Variants in RORC observed in about 807,000 individuals in gnomAD.
The protein encoded by RORC is RAR related orphan receptor C.
RORC carries 13 observed loss-of-function variants against 64.5 expected under a neutral mutation model. The observed-to-expected ratio is 0.20, with a 90% CI of 0.13 to 0.32. The LOEUF is 0.32. Among genes scored for constraint, RORC ranks in the 10% least tolerant of loss-of-function variants. RORC has a pLI of 1.00. For synonymous variants in RORC, 277 were observed against 259.3 expected, an observed-to-expected ratio of 1.07 and a Z score of -0.65; for missense variants, 468 against 669.5, an observed-to-expected ratio of 0.70 and a Z score of 3.32.
At chr1:151,825,248 CACACACACACAT>C (rs1652144255) in intron 2 of RORC, among the ~76,000 whole-genome samples, 1 of 151,616 alleles carries the variant, frequency 6.6e-6, no homozygotes, top group Non-Finnish European at 1.5e-5. Flanking sequence ...CCTGGAGAAC[CACACACACACAT>C]ACACACACAC....
At chr1:151,829,962 C>T (rs1652340793) in intron 1 of RORC, among the ~76,000 whole-genome samples, 1 of 152,208 alleles carries the variant, frequency 6.6e-6, no homozygotes, top group South Asian at 2.1e-4. Flanking sequence ...AAGGCAGGGA[C>T]TGTGTTGGTC....
chr1:151,814,881 C>G lies in RORC; in HGVS notation c.811+32G>C, dbSNP rs201224107. On this transcript the variant is annotated intron_variant, in intron 5 of 10. Coordinates refer to ENST00000318247, the MANE Select transcript of RORC (RefSeq NM_005060.4). ...ACTGGTGGAAACCCCTCCCTCATCTCTACCACCCTCTCCACCTCCCCAGCT... is the reference window on the plus strand; with the variant it reads ...ACTGGTGGAAACCCCTCCCTCATCTGTACCACCCTCTCCACCTCCCCAGCT... The G allele has an allele frequency of 3.1e-3, 4,883 of 1,599,068 alleles. 8 individuals carry two copies. The highest frequency in any genetic ancestry group is 3.7e-3 in the Non-Finnish European group (4,375 of 1,171,330).
chr1:151,831,027 C>T (rs1175054960), intron 1 of RORC: 1 of 1,289,360 alleles, frequency 7.8e-7, no homozygotes, highest in East Asian at 5.5e-5. Context: ...AAGCCTGTGG[C>T]CCTGCGATCC....
chr1:151,828,362 C>T (rs529341439), intron 2 of RORC, among the ~76,000 whole-genome samples: 10 of 152,202 alleles, frequency 6.6e-5, no homozygotes, highest in Non-Finnish European at 1.0e-4. Flanking sequence ...CCCTGATGGG[C>T]ATAGCTTTGG....
At chr1:151,814,378 G>A (rs1572037236) in intron 6 of RORC, 196 bp downstream of exon 6, 4 of 560,662 alleles carry the variant, frequency 7.1e-6, no homozygotes, top group East Asian at 3.0e-5. Flanking sequence ...AAGGAAAAGC[G>A]CTCATCCATC....
rs1323303869 is a variant in RORC at position 151,826,029 on chromosome 1, G to A, written c.70+3400C>T. On this transcript the variant is annotated intron_variant, in intron 2 of 10. Coordinates refer to ENST00000318247, the MANE Select transcript of RORC (RefSeq NM_005060.4). The stretch of plus-strand genomic sequence containing the variant: ...GTGCAGCTGGCGGCAGAGGCGGGGC[G>A]AGGCCCTCTCAGCAGCGCCTCAGCC... 2.4e-5 allele frequency: 39 copies of A among 1,598,384 alleles called. No individual in the cohort carries two copies. The South Asian group carries it at 3.9e-4, about 16-fold the overall frequency.
chr1:151,828,851 T>C (rs1005388615), intron 2 of RORC, among the ~76,000 whole-genome samples: 4 of 152,048 alleles, frequency 2.6e-5, no homozygotes, highest in Middle Eastern at 3.4e-3. Flanking sequence ...TGGTGGTGGG[T>C]GCCTGTAGTC....
chr1:151,811,394 C>A lies in RORC; in HGVS notation c.1326G>T (p.Leu442=). 1.9e-6 allele frequency: 3 copies of A among 1,614,004 alleles called. No individual in the cohort carries two copies. Among genetic ancestry groups the A allele is most frequent in the Non-Finnish European group, 2.5e-6 (3 of 1,179,876 alleles). ...GAAAGGCCAGCTCCAGATTGTACTG[C>A]AGCTGTTCTACTTTCCTTTTCTCTT... is the stretch of plus-strand genomic sequence containing the variant. ...GLQEKRKVEQ[L]QYNLELAFHH... The change falls in exon 10 of 11, where the codon CTG becomes CTT. Residue 442 remains leucine, a synonymous_variant. Transcript: ENST00000318247.
At chr1:151,808,453 C>A (rs1012174448) in intron 10 of RORC, among the ~76,000 whole-genome samples, 2 of 152,238 alleles carry the variant, frequency 1.3e-5, no homozygotes, top group African/African-American at 4.8e-5. Context: ...TGTCTCTTGC[C>A]TGCCATTGCC....
chr1:151,820,856 A>G (rs1651969232), intron 2 of RORC, among the ~76,000 whole-genome samples: 1 of 152,192 alleles, frequency 6.6e-6, no homozygotes, highest in Admixed American at 6.5e-5. Flanking sequence ...AGTAGCAAGA[A>G]CTTAGTCCCT....
At chr1:151,824,028 T>A (rs1652096050) in intron 2 of RORC, among the ~76,000 whole-genome samples, 1 of 152,184 alleles carries the variant, frequency 6.6e-6, no homozygotes, top group Non-Finnish European at 1.5e-5. Flanking sequence ...GCCCTCTGAG[T>A]TGGGCCTCTG....
At position 151,817,546 on chromosome 1, in the gene RORC, A is replaced by G. The variant is rs141952961; in HGVS notation, c.71-266T>C. ...TGTATCAGTGCTATGGAGGCAGAGAAAGCAGCTGCAGAGGGGCCACCTGCT... is the reference window on the plus strand; with the variant it reads ...TGTATCAGTGCTATGGAGGCAGAGAGAGCAGCTGCAGAGGGGCCACCTGCT... On this transcript the variant is annotated intron_variant, in intron 2 of 10. Transcript: ENST00000318247. Among the ~76,000 whole-genome samples, 62 of 152,284 alleles carry G rather than the reference A, an allele frequency of 4.1e-4. No individual in the cohort carries two copies. In the East Asian group the frequency reaches 9.9e-3, roughly 24 times the overall value.
chr1:151,816,556 AC>A, intron 4 of RORC, 107 bp downstream of exon 4: 1 of 1,168,638 alleles, frequency 8.6e-7, no homozygotes. Flanking sequence ...TGGAGAGGAG[AC>A]CAGAGGATGG....
chr1:151,808,886 C>T (rs896946382), intron 10 of RORC, among the ~76,000 whole-genome samples: 1 of 152,148 alleles, frequency 6.6e-6, no homozygotes, highest in Admixed American at 6.5e-5. Flanking sequence ...GGGGGAAGAA[C>T]CCTCCAGGTG....
Position 151,830,716 on chromosome 1 carries a change from G to C in RORC, c.40+1009C>G, listed in dbSNP as rs1377837528. ...ACTGGCAGGCCGTGGTCACTAGGCT[G>C]TGTGGAGGCGAGTGGCCTGATGGCC... On this transcript the variant is annotated intron_variant, in intron 1 of 10. Coordinates refer to ENST00000318247, the MANE Select transcript of RORC (RefSeq NM_005060.4). The surrounding 1 kb of genome is among the most constrained non-coding windows in gnomAD (Gnocchi z 4.0). Among the ~76,000 whole-genome samples, 1 of 151,558 alleles carries C rather than the reference G, an allele frequency of 6.6e-6. No individual in the cohort carries two copies. The highest frequency in any genetic ancestry group is 1.5e-5 in the Non-Finnish European group (1 of 67,994).
intron 10 of RORC, among the ~76,000 whole-genome samples, chr1:151,811,109 G>GGGAGGGAACCAA (rs1651505123): frequency 6.6e-6 from 1 of 152,068 alleles, no homozygotes; most frequent in African/African-American, 2.4e-5. Flanking sequence ...TTCCCTGGAG[G>GGGAGGGAACCAA]TCCCTCCCAA....
At chr1:151,825,004 T>C (rs1478460272) in intron 2 of RORC, among the ~76,000 whole-genome samples, 2 of 152,190 alleles carry the variant, frequency 1.3e-5, no homozygotes, top group Non-Finnish European at 2.9e-5. Flanking sequence ...GGCTTCCCTT[T>C]TCCTCCTTCA....
chr1:151,828,569 T>G (rs1311871968), intron 2 of RORC, among the ~76,000 whole-genome samples: 3 of 152,142 alleles, frequency 2.0e-5, no homozygotes, highest in African/African-American at 7.2e-5. Context: ...TCCATTCTGT[T>G]TCCTACAGAG....
chr1:151,822,811 A>T (rs1205455171), intron 2 of RORC, among the ~76,000 whole-genome samples: 2 of 152,206 alleles, frequency 1.3e-5, no homozygotes, highest in African/African-American at 2.4e-5. Flanking sequence ...TGAGCCTCAG[A>T]GCCCCAGGGA....
Sources: gnomAD v4.1 joint callset for allele counts (sites outside exome capture counted in the v4.1 genomes callset) on GRCh38, gnomAD v4.1.1 for gene constraint, Gnocchi (gnomAD v3.1) non-coding constraint, MANE v1.5 for transcripts, NCBI Gene and HGNC (gene_info 2026-07-23, HGNC 2026-07-21) for gene names.